PATJ: variants seen among roughly 807,000 people sequenced by gnomAD.
PATJ encodes inaD-like protein.
Under a neutral mutation model 224.9 loss-of-function variants are expected in PATJ, and 190 were observed. That is an observed-to-expected ratio of 0.84 (90% CI 0.75 to 0.95). The LOEUF is 0.95. Ranked by LOEUF, PATJ falls within the 40% of genes least tolerant of loss-of-function variation. The pLI is 0.00. For synonymous variants in PATJ, 769 were observed against 820.3 expected (o/e 0.94, Z 1.07); for missense variants, 2,121 against 2,270.3 (o/e 0.93, Z 1.34).
intron 17 of PATJ, among the ~76,000 whole-genome samples, chr1:61,843,453 A>C (rs919372323): frequency 6.6e-6 from 1 of 152,194 alleles, no homozygotes; most frequent in Non-Finnish European, 1.5e-5. Context: ...AAAAAGATGA[A>C]TATAGGCTGG....
At chr1:62,023,333 A>C (rs1162393848) in intron 29 of PATJ, among the ~76,000 whole-genome samples, 2 of 151,958 alleles carry the variant, frequency 1.3e-5, no homozygotes, top group Admixed American at 6.6e-5. Flanking sequence ...GATTCATTAG[A>C]TCTAGTTTTG....
intron 28 of PATJ, among the ~76,000 whole-genome samples, chr1:61,996,943 T>C (rs1436684329): frequency 6.6e-6 from 1 of 151,962 alleles, no homozygotes; most frequent in Non-Finnish European, 1.5e-5. Context: ...GGTGTCACCA[T>C]GTTGGCCAGG....
intron 27 of PATJ, among the ~76,000 whole-genome samples, chr1:61,939,364 A>ACG (rs1287547280): frequency 6.6e-6 from 1 of 150,664 alleles, no homozygotes; most frequent in African/African-American, 2.4e-5. Flanking sequence ...AAAGACACAC[A>ACG]CACACACACA....
At position 61,801,651 on chromosome 1, in the gene PATJ, A is replaced by G. The variant is rs371713600; in HGVS notation, c.1431A>G (p.Pro477=). 1.3e-6 allele frequency: 2 copies of G among 1,593,862 alleles called. No homozygotes were observed. Among genetic ancestry groups the G allele is most frequent in the South Asian group, 2.3e-5 (2 of 87,712 alleles). Residue 477 remains proline (P), a synonymous_variant, in exon 12 of 44, where the codon CCA becomes CCG. Coordinates refer to ENST00000642238, the MANE Select transcript of PATJ (RefSeq NM_001350145.3). ...CTGTTGTAGAACCACTGAAACCACC[A>G]GCTCTCTTTCTAACTGGAGCAGTGG... ...RGTVVEPLKP[P]ALFLTGAVET...
At chr1:61,758,219 C>T (rs1227092022) in intron 1 of PATJ, among the ~76,000 whole-genome samples, 3 of 152,176 alleles carry the variant, frequency 2.0e-5, no homozygotes, top group Non-Finnish European at 2.9e-5. Context: ...CCCCAGCCAG[C>T]AGGCACAGCT....
intron 22 of PATJ, among the ~76,000 whole-genome samples, chr1:61,898,012 A>G (rs1439788253): frequency 6.6e-6 from 1 of 152,166 alleles, no homozygotes; most frequent in Non-Finnish European, 1.5e-5. Flanking sequence ...TGGCCTTACA[A>G]CAGTTTTATC....
chr1:61,800,459 C>T (rs1469459050), intron 11 of PATJ, among the ~76,000 whole-genome samples: 1 of 152,148 alleles, frequency 6.6e-6, no homozygotes, highest in African/African-American at 2.4e-5. Flanking sequence ...GTGTGAGTTC[C>T]TTCTGGAACC....
intron 41 of PATJ, among the ~76,000 whole-genome samples, chr1:62,147,306 T>TG (rs55800484): frequency 0.76 from 116,156 of 151,984 alleles, 45,099 homozygotes; most frequent in African/African-American, 0.9. Flanking sequence ...TGGCCAGAAG[T>TG]GTGGAAAATA....
At chr1:61,943,320 G>A (rs1354127206) in intron 27 of PATJ, among the ~76,000 whole-genome samples, 2 of 152,168 alleles carry the variant, frequency 1.3e-5, no homozygotes, top group African/African-American at 2.4e-5. Context: ...AAGTGCGAGG[G>A]GTCAGGGAAT....
chr1:61,788,294 G>A (rs1649031455), intron 8 of PATJ, among the ~76,000 whole-genome samples: 1 of 152,126 alleles, frequency 6.6e-6, no homozygotes, highest in Admixed American at 6.5e-5. Context: ...ACTGGCCGAT[G>A]TGTGAGAATT....
rs115201422 is a variant in PATJ, at chr1:62,035,501, C to T, written c.3960-2476C>T. On this transcript the variant is annotated intron_variant, in intron 29 of 43. Transcript: ENST00000642238. ...CTGAGACTCTGAGAAGTGATTTCCCCAAAGTCACTCTGTTAGTTAGCGGCA... is the reference window on the plus strand; with the variant it reads ...CTGAGACTCTGAGAAGTGATTTCCCTAAAGTCACTCTGTTAGTTAGCGGCA... Among the ~76,000 whole-genome samples the T allele has an allele frequency of 7.9e-3, 1,203 of 152,246 alleles. 6 individuals are homozygous for T. Among genetic ancestry groups the T allele is most frequent in the Non-Finnish European group, 0.013 (867 of 67,998 alleles).
intron 36 of PATJ, 39 bp from the exon 37 acceptor site, chr1:62,117,093 T>C: frequency 2.0e-6 from 3 of 1,493,636 alleles, no homozygotes; most frequent in Non-Finnish European, 2.8e-6. Context: ...ATATAAATGC[T>C]ACTACTTTTC....
intron 16 of PATJ, 55 bp downstream of exon 16, chr1:61,827,638 C>T (rs1658512219): frequency 1.3e-6 from 2 of 1,524,446 alleles, no homozygotes; most frequent in African/African-American, 1.4e-5. Context: ...TCAAAGATGC[C>T]CCGAAGACTG....
intron 31 of PATJ, among the ~76,000 whole-genome samples, chr1:62,070,321 T>C (rs775710624): frequency 2.0e-5 from 3 of 152,232 alleles, no homozygotes; most frequent in Non-Finnish European, 4.4e-5. Flanking sequence ...TTTTCAAGTG[T>C]GATCCTTTAA....
chr1:62,110,430 C>A (rs982729180), intron 34 of PATJ, among the ~76,000 whole-genome samples: 1 of 152,150 alleles, frequency 6.6e-6, no homozygotes, highest in Admixed American at 6.5e-5. Context: ...CCAAACAATG[C>A]CCTTTGCACT....
chr1:61,962,781 C>G (rs1215740397), intron 27 of PATJ, among the ~76,000 whole-genome samples: 2 of 152,162 alleles, frequency 1.3e-5, no homozygotes. Flanking sequence ...CGTCTGAGAC[C>G]TGGGCTTCTT....
chr1:61,868,416 T>A lies in PATJ; in HGVS notation c.2835+3783T>A, dbSNP rs559884983. ...GTGGAATGGTACAATATTTTTCTTT[T>A]GTGTCTGGCTCTTTCACTTAGTGTA... On this transcript the variant is annotated intron_variant, in intron 20 of 43. Transcript: ENST00000642238. Among the ~76,000 whole-genome samples, 10 of 152,368 alleles carry A rather than the reference T, an allele frequency of 6.6e-5. No homozygotes were observed. The East Asian group carries it at 1.9e-3, about 29-fold the overall frequency.
intron 19 of PATJ, 94 bp from the exon 20 acceptor site, chr1:61,864,144 G>C: frequency 9.4e-7 from 1 of 1,058,910 alleles, no homozygotes; most frequent in Non-Finnish European, 1.4e-6. Context: ...GGCATATGCA[G>C]TCACGCCAGC....
At chr1:62,090,513 A>T (rs1660600131) in intron 33 of PATJ, among the ~76,000 whole-genome samples, 1 of 152,190 alleles carries the variant, frequency 6.6e-6, no homozygotes, top group South Asian at 2.1e-4. Context: ...GAAGCCAGAA[A>T]AGAGTAGAGC....
Sources: allele counts gnomAD v4.1 joint callset (sites outside exome capture counted in the v4.1 genomes callset), GRCh38; gene constraint gnomAD v4.1.1; transcripts MANE v1.5; gene names NCBI Gene and HGNC (gene_info 2026-07-23, HGNC 2026-07-21).